Variants in ARMC8 observed in about 807,000 individuals in gnomAD.
The protein encoded by ARMC8 is armadillo repeat-containing protein 8.
In ARMC8, 20 loss-of-function variants were observed where a neutral mutation model predicts 99.3. The ratio of observed to expected loss-of-function variants is 0.20; its 90% CI spans 0.14 to 0.29. The LOEUF is 0.29. ARMC8 is among the 10% of genes least tolerant of loss of function. The pLI is 1.00. For synonymous variants in ARMC8, 263 were observed against 278.3 expected (o/e 0.95, Z 0.55); for missense variants, 569 against 809.5 (o/e 0.70, Z 3.60).
intron 1 of ARMC8, among the ~76,000 whole-genome samples, chr3:138,197,344 G>A (rs2043796058): frequency 6.6e-6 from 1 of 152,192 alleles, no homozygotes; most frequent in Non-Finnish European, 1.5e-5. Flanking sequence ...AGAATCTGAA[G>A]CAAATAAAGC....
chr3:138,227,166 T>G (rs2045739825), intron 5 of ARMC8, among the ~76,000 whole-genome samples: 1 of 152,228 alleles, frequency 6.6e-6, no homozygotes, highest in African/African-American at 2.4e-5. Context: ...TGGGCAAATT[T>G]CATATTTAAT....
intron 1 of ARMC8, among the ~76,000 whole-genome samples, chr3:138,188,684 G>A (rs2043210847): frequency 6.6e-6 from 1 of 152,178 alleles, no homozygotes. Flanking sequence ...AACTACAACC[G>A]GTTTCTTTTC....
At chr3:138,288,828 G>A (rs2050674775) in intron 19 of ARMC8, among the ~76,000 whole-genome samples, 3 of 151,986 alleles carry the variant, frequency 2.0e-5, no homozygotes, top group Admixed American at 2.0e-4. Context: ...AGTAGAGACA[G>A]GGTTTCACTG....
At chr3:138,289,256 G>T in intron 20 of ARMC8, 136 bp downstream of exon 20, 1 of 663,722 alleles carries the variant, frequency 1.5e-6, no homozygotes. Context: ...CTCTAGAGTT[G>T]CCCTGGTATG....
chr3:138,289,472 G>T (rs1187294343), intron 20 of ARMC8, among the ~76,000 whole-genome samples: 1 of 152,208 alleles, frequency 6.6e-6, no homozygotes. Flanking sequence ...GTTTTGAGCA[G>T]AGGAAGCACA....
At chr3:138,246,337 G>A in intron 12 of ARMC8, 1 of 985,388 alleles carries the variant, frequency 1.0e-6, no homozygotes, top group Non-Finnish European at 1.2e-6. Context: ...GTATCCCTAT[G>A]AAAATCATTT....
chr3:138,205,234 AG>A (rs1389258259), intron 1 of ARMC8, among the ~76,000 whole-genome samples: 1 of 151,542 alleles, frequency 6.6e-6, no homozygotes, highest in Non-Finnish European at 1.5e-5. Context: ...ATGCCCGGCT[AG>A]AGACAGGGTT....
chr3:138,210,413 A>G (rs2044625178), intron 2 of ARMC8, among the ~76,000 whole-genome samples: 1 of 152,218 alleles, frequency 6.6e-6, no homozygotes, highest in Non-Finnish European at 1.5e-5. Flanking sequence ...GAGAGGAAAC[A>G]TTTTTAAGCA....
chr3:138,245,310 G>T (rs1211247550), intron 12 of ARMC8, 127 bp downstream of exon 12: 9 of 1,564,532 alleles, frequency 5.8e-6, no homozygotes, highest in Non-Finnish European at 7.8e-6. Flanking sequence ...AGTGACTAAA[G>T]GCATAATTGA....
Position 138,265,832 on chromosome 3 carries a change from T to C in ARMC8, c.1300-1323T>C, listed in dbSNP as rs6780235. ...ATTGACATGCTGAGTGGTTCTTCCA[T>C]TGAGGAGGTTCATCTAGTGACAGAG... On this transcript the variant is annotated intron_variant, in intron 14 of 21. Coordinates refer to ENST00000469044, the MANE Select transcript of ARMC8 (RefSeq NM_001363941.2). Among the ~76,000 whole-genome samples, 1,101 of 152,252 alleles carry C rather than the reference T, an allele frequency of 7.2e-3. 11 individuals are homozygous for C. Among genetic ancestry groups the C allele is most frequent in the African/African-American group, 0.025 (1,030 of 41,546 alleles).
At chr3:138,250,352 TAAAAG>T (rs953665237) in intron 12 of ARMC8, among the ~76,000 whole-genome samples, 6 of 152,164 alleles carry the variant, frequency 3.9e-5, no homozygotes, top group African/African-American at 1.2e-4. Flanking sequence ...TTAAGTATAT[TAAAAG>T]AAAAGATGAC....
intron 12 of ARMC8, among the ~76,000 whole-genome samples, chr3:138,248,700 T>C (rs765093643): frequency 1.3e-4 from 20 of 152,146 alleles, no homozygotes; most frequent in Non-Finnish European, 7.4e-5. Flanking sequence ...ACCAGTTAAG[T>C]TGGAAGTTGA....
rs1002006495 is a variant in ARMC8, at chr3:138,274,311, C to T, written c.1630-138C>T. On this transcript the variant is annotated intron_variant, in intron 17 of 21. Transcript: ENST00000469044. ...GCTTCAAAATATAATAAACACTGTT[C>T]TTTGGCATCTAGTTCTATATGCTAT... 8 of 592,140 alleles carry T rather than the reference C, an allele frequency of 1.4e-5. No individual in the cohort carries two copies. The African/African-American group carries it at 1.5e-4, about 11-fold the overall frequency. 36.7% of individuals were successfully genotyped at this position (592,140 alleles called of 1,614,324 possible). A position where few individuals can be genotyped will look rare whatever the true frequency, so the allele number is the denominator to read the frequency against.
At chr3:138,190,910 AT>A (rs1196148003) in intron 1 of ARMC8, among the ~76,000 whole-genome samples, 1 of 152,214 alleles carries the variant, frequency 6.6e-6, no homozygotes, top group Non-Finnish European at 1.5e-5. Flanking sequence ...TGAATGAAGT[AT>A]ATAGGGTGCT....
intron 12 of ARMC8, chr3:138,261,348 T>TA (rs2047723038): frequency 6.6e-6 from 1 of 152,144 alleles, no homozygotes; most frequent in South Asian, 2.1e-4. Flanking sequence ...AATGTTAAAA[T>TA]ACCGTTAGCA....
intron 15 of ARMC8, among the ~76,000 whole-genome samples, chr3:138,269,820 C>CTTTT (rs77095833): frequency 8.2e-6 from 1 of 121,694 alleles, no homozygotes; most frequent in African/African-American, 3.0e-5. Context: ...TGTTTTCTTT[C>CTTTT]TTTTTTTTTT....
chr3:138,236,806 G>T (rs2046357105), intron 7 of ARMC8, among the ~76,000 whole-genome samples: 1 of 152,076 alleles, frequency 6.6e-6, no homozygotes, highest in South Asian at 2.1e-4. Context: ...TAAGGATTGG[G>T]CCCTTGGTAT....
rs745685215 is a variant in ARMC8, at chr3:138,297,487, C to T, written c.*1595C>T. 11 of 152,258 alleles carry T rather than the reference C, an allele frequency of 7.2e-5. No homozygotes were observed. Among genetic ancestry groups the T allele is most frequent in the Non-Finnish European group, 1.6e-4 (11 of 68,046 alleles). 9.4% of individuals were successfully genotyped at this position (152,258 alleles called of 1,614,324 possible). A position where few individuals can be genotyped will look rare whatever the true frequency, so the allele number is the denominator to read the frequency against. On this transcript the variant is annotated 3_prime_UTR_variant, in exon 22 of 22. Coordinates refer to ENST00000469044, the MANE Select transcript of ARMC8 (RefSeq NM_001363941.2). ...GAGCTCCAAGCCCACCCACCAGCCA[C>T]TCCTGATGGGGTTGCTCACACTGCA... is the stretch of plus-strand genomic sequence containing the variant.
chr3:138,198,335 G>T (rs1333850850), intron 1 of ARMC8, among the ~76,000 whole-genome samples: 1 of 151,980 alleles, frequency 6.6e-6, no homozygotes, highest in Non-Finnish European at 1.5e-5. Context: ...GAAGAAACCT[G>T]CAGATAATCT....
Sources: allele counts gnomAD v4.1 joint callset (sites outside exome capture counted in the v4.1 genomes callset), GRCh38; gene constraint gnomAD v4.1.1; transcripts MANE v1.5; gene names NCBI Gene and HGNC (gene_info 2026-07-23, HGNC 2026-07-21).